The following RBFOX3 variants were observed in gnomAD, a reference collection of about 807,000 sequenced individuals.
RBFOX3 encodes RNA binding fox-1 homolog 3, also known as RNA binding protein fox-1 homolog 3.
In RBFOX3, 17 loss-of-function variants were observed where a neutral mutation model predicts 48.7. The ratio of observed to expected loss-of-function variants is 0.35; its 90% CI spans 0.24 to 0.52. The LOEUF (loss-of-function observed/expected upper bound fraction) is 0.52. Ranked by LOEUF, RBFOX3 falls within the 20% of genes least tolerant of loss-of-function variation. The pLI is 0.94. For synonymous variants in RBFOX3, 212 were observed against 209.5 expected, an observed-to-expected ratio of 1.01 and a Z score of -0.10; for missense variants, 382 against 497.5, an observed-to-expected ratio of 0.77 and a Z score of 2.21.
intron 2 of RBFOX3, among the ~76,000 whole-genome samples, chr17:79,402,573 GC>G (rs2062951878): frequency 6.6e-6 from 1 of 152,216 alleles, no homozygotes; most frequent in African/African-American, 2.4e-5. Context: ...CAAAGCAGGA[GC>G]CACATGGGGT....
At chr17:79,109,086 T>C (rs2078000751) in intron 5 of RBFOX3, among the ~76,000 whole-genome samples, 1 of 152,202 alleles carries the variant, frequency 6.6e-6, no homozygotes, top group South Asian at 2.1e-4. Context: ...CCGACAAGCA[T>C]GTGTTCTGAG....
chr17:79,622,270 G>C, the RBFOX3 span, among the ~76,000 whole-genome samples: 16 of 152,302 alleles, frequency 1.1e-4, no homozygotes, highest in African/African-American at 3.6e-4. Flanking sequence ...GGGGTGGGGG[G>C]TGGCAGGACC....
rs190633744 is a variant in RBFOX3, at chr17:79,125,629, C to T, written c.-33-9881G>A. ...TGGAGCCCCTCCCGCACGGCCTGGCCGCCTTCCCTCGGCACAGCCCTTCCT... is the reference window on the plus strand; with the variant it reads ...TGGAGCCCCTCCCGCACGGCCTGGCTGCCTTCCCTCGGCACAGCCCTTCCT... On this transcript the variant is annotated intron_variant, in intron 4 of 14. Coordinates refer to ENST00000693108, the MANE Select transcript of RBFOX3 (RefSeq NM_001350451.2). 3.1e-3 allele frequency among the ~76,000 whole-genome samples: 479 copies of T among 152,336 alleles called. 2 individuals are homozygous for T. Among genetic ancestry groups the T allele is most frequent in the Middle Eastern group, 0.024 (7 of 294 alleles).
intron 4 of RBFOX3, among the ~76,000 whole-genome samples, chr17:79,206,972 C>A (rs1014518607): frequency 1.3e-5 from 2 of 152,186 alleles, no homozygotes; most frequent in East Asian, 3.8e-4. Context: ...CCAAAATAAA[C>A]CTCCTGCATG....
At chr17:79,097,663 T>TACCAAAC in intron 10 of RBFOX3, 29 bp downstream of exon 10, 1 of 1,384,074 alleles carries the variant, frequency 7.2e-7, no homozygotes, top group Non-Finnish European at 9.8e-7. Flanking sequence ...GCTGGTCTCA[T>TACCAAAC]CCCATCCCCG....
chr17:79,241,522 G>A (rs890739246), intron 3 of RBFOX3, among the ~76,000 whole-genome samples: 1 of 152,140 alleles, frequency 6.6e-6, no homozygotes, highest in Non-Finnish European at 1.5e-5. Flanking sequence ...ACTAACTGAT[G>A]TTGACGTGGA....
chr17:79,133,832 T>C (rs112702496), intron 4 of RBFOX3, among the ~76,000 whole-genome samples: 4,659 of 152,246 alleles, frequency 0.031, 111 homozygotes, highest in African/African-American at 0.056. Flanking sequence ...ACAGGTCAGC[T>C]GTCAAGTGAC....
chr17:79,417,145 G>A (rs782373130), intron 2 of RBFOX3, among the ~76,000 whole-genome samples: 3 of 152,228 alleles, frequency 2.0e-5, no homozygotes, highest in Non-Finnish European at 4.4e-5. Context: ...AAGGGGAGAA[G>A]TGGCTGTGAC....
chr17:79,420,891 G>A (rs1000144762), intron 2 of RBFOX3, among the ~76,000 whole-genome samples: 2 of 152,172 alleles, frequency 1.3e-5, no homozygotes, highest in African/African-American at 2.4e-5. Flanking sequence ...GGGGTCTCAC[G>A]GGATCAGCTG....
intron 2 of RBFOX3, among the ~76,000 whole-genome samples, chr17:79,368,197 C>T (rs2058049161): frequency 6.6e-6 from 1 of 152,222 alleles, no homozygotes; most frequent in African/African-American, 2.4e-5. Context: ...CTTTTCCCCT[C>T]TCCACAGCCG....
chr17:79,656,895 G>GGAAGGAAGGAAGGAAGGAAGGAAGGAA, the RBFOX3 span, among the ~76,000 whole-genome samples: 83 of 116,414 alleles, frequency 7.1e-4, 3 homozygotes, highest in East Asian at 2.1e-3. Context: ...GAAGGAAGGA[G>GGAAGGAAGGAAGGAAGGAAGGAAGGAA]GGAAGGAAGG....
intron 1 of RBFOX3, among the ~76,000 whole-genome samples, chr17:79,537,339 G>A (rs763292695): frequency 2.0e-5 from 3 of 152,126 alleles, no homozygotes; most frequent in Non-Finnish European, 2.9e-5. Context: ...CTGTGCATCC[G>A]TTCTCCTCTT....
intron 4 of RBFOX3, among the ~76,000 whole-genome samples, chr17:79,166,777 C>T (rs770419039): frequency 3.3e-5 from 5 of 152,104 alleles, no homozygotes; most frequent in Non-Finnish European, 5.9e-5. Context: ...GTGGGAGAAT[C>T]GAAACAAAGG....
At chr17:79,236,383 G>A (rs973008689) in intron 3 of RBFOX3, among the ~76,000 whole-genome samples, 1 of 152,030 alleles carries the variant, frequency 6.6e-6, no homozygotes, top group Non-Finnish European at 1.5e-5. Flanking sequence ...CCGCCTCCTG[G>A]GTTCGAGCGA....
intron 1 of RBFOX3, among the ~76,000 whole-genome samples, chr17:79,504,972 G>C (rs1426344678): frequency 1.3e-5 from 2 of 152,170 alleles, no homozygotes; most frequent in African/African-American, 2.4e-5. Flanking sequence ...ACAAGAAAAT[G>C]GTTCTTGGGG....
At chr17:79,524,537 T>G (rs1183012805) in intron 1 of RBFOX3, among the ~76,000 whole-genome samples, 3 of 152,108 alleles carry the variant, frequency 2.0e-5, no homozygotes, top group African/African-American at 4.8e-5. Context: ...AGCATCCCCC[T>G]CCTAGGAGGC....
At chr17:79,422,444 G>T (rs1425846370) in intron 2 of RBFOX3, among the ~76,000 whole-genome samples, 5 of 151,874 alleles carry the variant, frequency 3.3e-5, no homozygotes, top group African/African-American at 4.8e-5. Context: ...AGCCCAGGGG[G>T]TCACCTGCCC....
At chr17:79,467,506 G>A (rs1187020135) in intron 2 of RBFOX3, among the ~76,000 whole-genome samples, 1 of 152,126 alleles carries the variant, frequency 6.6e-6, no homozygotes, top group East Asian at 1.9e-4. Flanking sequence ...CTGATGTCCC[G>A]GGGGCATGTC....
chr17:79,425,401 G>T (rs1386004520), intron 2 of RBFOX3, among the ~76,000 whole-genome samples: 3 of 152,172 alleles, frequency 2.0e-5, no homozygotes. Flanking sequence ...CAAGCAGGGA[G>T]TCAACCCCCT....
Sources: gnomAD v4.1 joint callset for allele counts (sites outside exome capture counted in the v4.1 genomes callset) on GRCh38, gnomAD v4.1.1 for gene constraint, MANE v1.5 for transcripts, NCBI Gene and HGNC (gene_info 2026-07-23, HGNC 2026-07-21) for gene names.